VPS50: variants seen among roughly 807,000 people sequenced by gnomAD.
VPS50 encodes VPS50 subunit of EARP/GARPII complex.
Under a neutral mutation model 139.7 loss-of-function variants are expected in VPS50, and 70 were observed. The observed-to-expected ratio is 0.50, with a 90% CI of 0.41 to 0.61. The LOEUF is 0.61. Among genes scored for constraint, VPS50 ranks in the 20% least tolerant of loss-of-function variants. The pLI, the probability that VPS50 is intolerant of heterozygous loss-of-function variation, is 0.00. For missense variants in VPS50, 921 were observed against 1,133.7 expected, an observed-to-expected ratio of 0.81 and a Z score of 2.69; for synonymous variants, 365 against 376.7, an observed-to-expected ratio of 0.97 and a Z score of 0.36.
intron 8 of VPS50, among the ~76,000 whole-genome samples, 169 bp downstream of exon 8, chr7:93,258,561 T>C (rs1795563781): frequency 6.6e-6 from 1 of 152,046 alleles, no homozygotes; most frequent in Non-Finnish European, 1.5e-5. Context: ...CCTTTTTCTA[T>C]TGACATGATA....
chr7:93,234,407 T>TA (rs1365094950), intron 1 of VPS50, among the ~76,000 whole-genome samples: 2 of 152,144 alleles, frequency 1.3e-5, no homozygotes, highest in Non-Finnish European at 2.9e-5. Flanking sequence ...TGGAAAAAAA[T>TA]ACATTAAAGA....
intron 23 of VPS50, among the ~76,000 whole-genome samples, chr7:93,343,493 A>G (rs1383688273): frequency 6.6e-6 from 1 of 152,164 alleles, no homozygotes; most frequent in Non-Finnish European, 1.5e-5. Flanking sequence ...TGCCACAAAG[A>G]TACTCCTCGA....
intron 9 of VPS50, among the ~76,000 whole-genome samples, chr7:93,261,098 T>C (rs1795657179): frequency 6.6e-6 from 1 of 152,198 alleles, no homozygotes. Flanking sequence ...TTTAGTGTGT[T>C]GAATGTATTT....
intron 10 of VPS50, among the ~76,000 whole-genome samples, chr7:93,272,352 A>G (rs544050518): frequency 6.6e-6 from 1 of 151,974 alleles, no homozygotes; most frequent in South Asian, 2.1e-4. Flanking sequence ...AGTAAGATTC[A>G]TTACAAAACT....
At chr7:93,297,558 A>G (rs1796846713) in intron 16 of VPS50, among the ~76,000 whole-genome samples, 1 of 152,152 alleles carries the variant, frequency 6.6e-6, no homozygotes, top group African/African-American at 2.4e-5. Context: ...ACCTGCATAC[A>G]TATGGGTGTG....
chr7:93,292,216 A>T (rs1796668158), intron 13 of VPS50, among the ~76,000 whole-genome samples: 1 of 152,080 alleles, frequency 6.6e-6, no homozygotes, highest in Admixed American at 6.6e-5. Flanking sequence ...CCAATTTTCA[A>T]GTTACAGTAA....
intron 2 of VPS50, chr7:93,246,243 G>C: frequency 1.4e-6 from 1 of 693,394 alleles, no homozygotes; most frequent in Non-Finnish European, 2.5e-6. Flanking sequence ...GTGGCAAACC[G>C]CAAATCATGC....
chr7:93,324,872 G>A (rs1478124778), intron 21 of VPS50, among the ~76,000 whole-genome samples: 2 of 152,082 alleles, frequency 1.3e-5, no homozygotes, highest in African/African-American at 2.4e-5. Flanking sequence ...TACTTCCCAA[G>A]GTGTAATTTA....
At chr7:93,329,532 AT>A (rs1797876237) in intron 21 of VPS50, among the ~76,000 whole-genome samples, 1 of 152,044 alleles carries the variant, frequency 6.6e-6, no homozygotes, top group Non-Finnish European at 1.5e-5. Context: ...GTCAGAAAAA[AT>A]ATTTGAAAAA....
chr7:93,350,498 GT>G (rs895631620), intron 25 of VPS50, among the ~76,000 whole-genome samples: 2 of 151,912 alleles, frequency 1.3e-5, no homozygotes, highest in South Asian at 4.2e-4. Context: ...AAGAATTGTG[GT>G]TTTTTTTCAT....
intron 16 of VPS50, among the ~76,000 whole-genome samples, chr7:93,299,402 A>G (rs1192791496): frequency 2.6e-5 from 4 of 152,200 alleles, no homozygotes; most frequent in Admixed American, 2.6e-4. Flanking sequence ...CTACATAAAT[A>G]CTGAAAAACT....
rs576925248 is a variant in VPS50 at position 93,332,328 on chromosome 7, A to G, written c.1978-1789A>G. The stretch of plus-strand genomic sequence containing the variant: ...TAAGCTCTCTAGTGTCTCTTCTTAT[A>G]ATGGCACTAATCCCATCATACCAGG... On this transcript the variant is annotated intron_variant, in intron 21 of 27. Transcript: ENST00000305866. Among the ~76,000 whole-genome samples, 3 of 152,262 alleles carry G rather than the reference A, an allele frequency of 2.0e-5. No homozygotes were observed. The South Asian group carries it at 6.2e-4, about 32-fold the overall frequency.
At chr7:93,242,846 TA>T (rs1435358740) in intron 2 of VPS50, among the ~76,000 whole-genome samples, 2 of 151,804 alleles carry the variant, frequency 1.3e-5, no homozygotes, top group African/African-American at 2.4e-5. Flanking sequence ...AAAGGATAAG[TA>T]GGAGAAAAAT....
intron 8 of VPS50, among the ~76,000 whole-genome samples, chr7:93,259,254 T>A (rs1333716570): frequency 6.6e-6 from 1 of 152,076 alleles, no homozygotes; most frequent in Non-Finnish European, 1.5e-5. Context: ...AAACCTTTCC[T>A]GTGAAGCAGC....
At chr7:93,285,240 A>T (rs1383873179) in intron 12 of VPS50, among the ~76,000 whole-genome samples, 1 of 152,170 alleles carries the variant, frequency 6.6e-6, no homozygotes, top group Non-Finnish European at 1.5e-5. Flanking sequence ...CTCTGTGAGG[A>T]TGCCAAAACA....
In VPS50 at chr7:93,353,788, G is replaced by A. The variant is rs1798623494; in HGVS notation, c.2585+27G>A. ...TAAGTTTTTCATGAAAGCATTATTT[G>A]TTTCTTTAATGACAAATTGTAATAT... On this transcript the variant is annotated intron_variant, in intron 26 of 27. Transcript: ENST00000305866. The A allele has an allele frequency of 3.8e-6, 6 of 1,560,688 alleles. No individual in the cohort carries two copies. The East Asian group carries it at 9.0e-5, about 23-fold the overall frequency.
At chr7:93,295,025 A>T (rs940247123) in intron 14 of VPS50, among the ~76,000 whole-genome samples, 2 of 152,158 alleles carry the variant, frequency 1.3e-5, no homozygotes, top group Non-Finnish European at 2.9e-5. Flanking sequence ...TAGATAGCAT[A>T]CTTAGGTCAG....
At chr7:93,275,545 A>G (rs1016953643) in intron 11 of VPS50, among the ~76,000 whole-genome samples, 2 of 152,160 alleles carry the variant, frequency 1.3e-5, no homozygotes, top group Admixed American at 6.6e-5. Context: ...GCAATTTTTT[A>G]AAATTAAGGT....
intron 2 of VPS50, among the ~76,000 whole-genome samples, chr7:93,241,731 G>A (rs1225824586): frequency 9.9e-5 from 15 of 151,986 alleles, no homozygotes; most frequent in Admixed American, 9.8e-4. Context: ...GAGATCAGGA[G>A]TTAAGAAGAC....
Sources: allele counts gnomAD v4.1 joint callset (sites outside exome capture counted in the v4.1 genomes callset), GRCh38; gene constraint gnomAD v4.1.1; transcripts MANE v1.5; gene names NCBI Gene and HGNC (gene_info 2026-07-23, HGNC 2026-07-21).